CASQ2: variants seen among roughly 807,000 people sequenced by gnomAD.
The protein encoded by CASQ2 is calsequestrin-2.
In CASQ2, 49 loss-of-function variants were observed where a neutral mutation model predicts 46.5. The ratio of observed to expected loss-of-function variants is 1.05; its 90% CI spans 0.84 to 1.34. The LOEUF is 1.34. CASQ2 is among the 40% of genes most tolerant of loss of function. The pLI, the probability that CASQ2 is intolerant of heterozygous loss-of-function variation, is 0.00. For synonymous variants in CASQ2, 174 were observed against 168.5 expected (o/e 1.03, Z -0.25); for missense variants, 486 against 481.3 (o/e 1.01, Z -0.09).
intron 3 of CASQ2, among the ~76,000 whole-genome samples, chr1:115,739,350 T>C (rs527423557): frequency 6.0e-4 from 91 of 151,902 alleles, no homozygotes; most frequent in Non-Finnish European, 2.9e-4. Context: ...CTCCTGACCT[T>C]GTGATCAGCC....
intron 1 of CASQ2, among the ~76,000 whole-genome samples, chr1:115,747,228 G>A (rs1339326693): frequency 6.6e-6 from 1 of 152,046 alleles, no homozygotes; most frequent in Non-Finnish European, 1.5e-5. Context: ...TGGTGAAAAG[G>A]CTGTCTTTCA....
At chr1:115,761,209 C>G (rs1648921696) in intron 1 of CASQ2, among the ~76,000 whole-genome samples, 1 of 149,982 alleles carries the variant, frequency 6.7e-6, no homozygotes. Context: ...CCAGCCTGGC[C>G]AACATGGTGA....
intron 8 of CASQ2, among the ~76,000 whole-genome samples, chr1:115,715,904 G>C (rs974417877): frequency 3.3e-5 from 5 of 152,148 alleles, no homozygotes; most frequent in African/African-American, 1.2e-4. Flanking sequence ...AAGACATTGT[G>C]CAAGAATCAG....
At chr1:115,742,402 G>C (rs7554379) in intron 2 of CASQ2, among the ~76,000 whole-genome samples, 107,972 of 151,860 alleles carry the variant, frequency 0.71, 42,104 homozygotes, top group Non-Finnish European at 0.88. Flanking sequence ...TGCAATTGTT[G>C]AGGCACAACT....
intron 1 of CASQ2, among the ~76,000 whole-genome samples, chr1:115,745,216 A>G (rs762532674): frequency 3.9e-5 from 6 of 152,160 alleles, no homozygotes; most frequent in Admixed American, 6.5e-5. Context: ...CTGGATCGGG[A>G]GAAAGAAGAA....
At chr1:115,741,896 C>T (rs913638965) in intron 2 of CASQ2, among the ~76,000 whole-genome samples, 2 of 152,200 alleles carry the variant, frequency 1.3e-5, no homozygotes, top group Admixed American at 6.5e-5. Context: ...TCCAAATGAA[C>T]TCTTCTGCAG....
chr1:115,717,101 C>T (rs190563942), intron 8 of CASQ2, among the ~76,000 whole-genome samples: 45 of 152,300 alleles, frequency 3.0e-4, no homozygotes, highest in African/African-American at 8.7e-4. Context: ...TGTCTGCTCC[C>T]GCTTTGCCTT....
At chr1:115,768,275 G>T in intron 1 of CASQ2, 33 bp downstream of exon 1, 1 of 1,381,398 alleles carries the variant, frequency 7.2e-7, no homozygotes, top group Non-Finnish European at 1.0e-6. Context: ...CCTCACTGAG[G>T]CAGCGCAGAC....
intron 8 of CASQ2, among the ~76,000 whole-genome samples, chr1:115,713,806 G>A (rs573958459): frequency 5.4e-4 from 82 of 152,290 alleles, no homozygotes; most frequent in African/African-American, 1.9e-3. Context: ...GGCATTGTTT[G>A]GAGTTGGTGT....
intron 1 of CASQ2, among the ~76,000 whole-genome samples, chr1:115,750,022 T>C (rs1222388552): frequency 1.3e-5 from 2 of 152,204 alleles, no homozygotes; most frequent in Non-Finnish European, 2.9e-5. Context: ...CTTTCCTCCA[T>C]AAGAAGAAGG....
At chr1:115,718,194 T>C (rs574425460) in intron 7 of CASQ2, among the ~76,000 whole-genome samples, 1 of 152,350 alleles carries the variant, frequency 6.6e-6, no homozygotes, top group African/African-American at 2.4e-5. Flanking sequence ...ACTCCTGTGG[T>C]CTGGTGGTTC....
chr1:115,702,787 A>G (rs918472110), intron 10 of CASQ2, 134 bp downstream of exon 10: 2 of 726,102 alleles, frequency 2.8e-6, no homozygotes, highest in Non-Finnish European at 4.9e-6. Context: ...CACACTGGCA[A>G]GTTTCCTTGA....
intron 2 of CASQ2, among the ~76,000 whole-genome samples, chr1:115,743,689 CT>C (rs200989847): frequency 2.3e-3 from 326 of 143,496 alleles, no homozygotes; most frequent in South Asian, 3.0e-3. Flanking sequence ...CACCACTAAT[CT>C]TTTTTTTTTT....
chr1:115,756,860 T>C (rs1454145335), intron 1 of CASQ2, among the ~76,000 whole-genome samples: 2 of 152,120 alleles, frequency 1.3e-5, no homozygotes, highest in African/African-American at 2.4e-5. Context: ...GGCAGAAGAA[T>C]CGCTTGAACC....
At chr1:115,720,718 G>T (rs1647337991) in intron 7 of CASQ2, among the ~76,000 whole-genome samples, 2 of 152,168 alleles carry the variant, frequency 1.3e-5, no homozygotes, top group African/African-American at 4.8e-5. Flanking sequence ...CCAGCACTTT[G>T]TACGCCCCCC....
intron 1 of CASQ2, among the ~76,000 whole-genome samples, chr1:115,761,477 A>AGAAGAAGGAGAAGAAGAAGAAGAAGAG (rs1570859581): frequency 1.1e-4 from 2 of 18,336 alleles, no homozygotes; most frequent in East Asian, 4.7e-3. Flanking sequence ...AAGAAGAAGA[A>AGAAGAAGGAGAAGAAGAAGAAGAAGAG]GAAGAAGAAG....
intron 1 of CASQ2, among the ~76,000 whole-genome samples, chr1:115,755,141 A>G (rs914249695): frequency 6.6e-6 from 1 of 152,260 alleles, no homozygotes; most frequent in Non-Finnish European, 1.5e-5. Context: ...AACTGACAGA[A>G]TGAGGGAAGC....
rs1557789393 is a variant in CASQ2, at chr1:115,717,854, T to C, written c.824A>G (p.Glu275Gly). 6.2e-7 allele frequency: 1 copy of C among 1,611,534 alleles called. No individual in the cohort carries two copies. Among genetic ancestry groups the C allele is most frequent in the Non-Finnish European group, 8.5e-7 (1 of 1,177,654 alleles). The change falls in exon 8 of 11, where the codon GAG becomes GGG. Residue 275 changes from glutamate to glycine, a missense_variant. Transcript: ENST00000261448. ...AGGTTTCCTACCTGGATCACTCTTC[T>C]CTGCAAAGGCCACAATGTGGATCCC... ...LNGIHIVAFAEKSDPDGYEFL... is the reference protein window; with the variant it reads ...LNGIHIVAFAGKSDPDGYEFL...
chr1:115,705,366 T>A (rs535263341), intron 8 of CASQ2, 74 bp from the exon 9 acceptor site: 1 of 968,322 alleles, frequency 1.0e-6, no homozygotes, highest in African/African-American at 1.6e-5. Context: ...AGAGTGTGAT[T>A]TTTCCACGAG....
Sources: allele counts gnomAD v4.1 joint callset (sites outside exome capture counted in the v4.1 genomes callset), GRCh38; gene constraint gnomAD v4.1.1; transcripts MANE v1.5; gene names NCBI Gene and HGNC (gene_info 2026-07-23, HGNC 2026-07-21).